The following STARD13 variants were observed in gnomAD, a reference collection of about 807,000 sequenced individuals.
The protein encoded by STARD13 is stAR-related lipid transfer protein 13.
Under a neutral mutation model 106.4 loss-of-function variants are expected in STARD13, and 62 were observed. The ratio of observed to expected loss-of-function variants is 0.58; its 90% CI spans 0.48 to 0.72. The LOEUF is 0.72. STARD13 is among the 30% of genes least tolerant of loss of function. STARD13 has a pLI of 0.00. For synonymous variants in STARD13, 565 were observed against 553.0 expected (o/e 1.02, Z -0.31); for missense variants, 1,387 against 1,424.0 (o/e 0.97, Z 0.42).
chr13:33,437,165 G>C, the STARD13 span, among the ~76,000 whole-genome samples: 2 of 152,146 alleles, frequency 1.3e-5, no homozygotes, highest in Admixed American at 6.5e-5. Context: ...TAACCTAATC[G>C]GTTATGTTAT....
the STARD13 span, chr13:33,659,666 CGCTT>C: frequency 6.6e-6 from 1 of 151,406 alleles, no homozygotes; most frequent in Admixed American, 6.6e-5. Flanking sequence ...AATGCTTGCT[CGCTT>C]GCTTGCTTGG....
At chr13:33,249,077 A>G (rs1306920841) in intron 1 of STARD13, among the ~76,000 whole-genome samples, 1 of 152,250 alleles carries the variant, frequency 6.6e-6, no homozygotes, top group Non-Finnish European at 1.5e-5. Flanking sequence ...GTTTCATGAA[A>G]AATAGGTGAC....
the STARD13 span, among the ~76,000 whole-genome samples, chr13:33,512,825 C>A: frequency 7.9e-5 from 12 of 152,118 alleles, no homozygotes; most frequent in African/African-American, 2.7e-4. Flanking sequence ...AGATTGCCAG[C>A]AAACCACTAG....
At chr13:33,455,663 G>A in the STARD13 span, among the ~76,000 whole-genome samples, 1 of 152,182 alleles carries the variant, frequency 6.6e-6, no homozygotes, top group African/African-American at 2.4e-5. Flanking sequence ...GCCAGGCACG[G>A]TGGCTCACGC....
At chr13:33,340,540 T>G (rs551196191) in intron 1 of STARD13, among the ~76,000 whole-genome samples, 1 of 152,324 alleles carries the variant, frequency 6.6e-6, no homozygotes, top group South Asian at 2.1e-4. Flanking sequence ...ATGTATGAAT[T>G]TTTATGGATT....
chr13:33,314,973 C>CT (rs869281178), intron 1 of STARD13, among the ~76,000 whole-genome samples: 1 of 152,052 alleles, frequency 6.6e-6, no homozygotes, highest in Non-Finnish European at 1.5e-5. Context: ...CACACAAACA[C>CT]TTTTTTTAAA....
intron 1 of STARD13, among the ~76,000 whole-genome samples, chr13:33,315,759 A>G (rs1441755124): frequency 6.6e-6 from 1 of 152,216 alleles, no homozygotes; most frequent in Non-Finnish European, 1.5e-5. Flanking sequence ...TCATTAAAAT[A>G]AATGACATTT....
At chr13:33,609,064 C>A in the STARD13 span, among the ~76,000 whole-genome samples, 1 of 118,772 alleles carries the variant, frequency 8.4e-6, no homozygotes, top group African/African-American at 3.6e-5. Flanking sequence ...CCAGCCTGGG[C>A]GACAGAGCGA....
At chr13:33,662,505 A>T in the STARD13 span, among the ~76,000 whole-genome samples, 2 of 152,158 alleles carry the variant, frequency 1.3e-5, no homozygotes, top group Admixed American at 6.5e-5. Flanking sequence ...TGAAGTGTGC[A>T]CCTGGTCAAG....
intron 1 of STARD13, among the ~76,000 whole-genome samples, chr13:33,170,833 C>A (rs1487789033): frequency 6.6e-6 from 1 of 152,154 alleles, no homozygotes; most frequent in African/African-American, 2.4e-5. Context: ...CAGCTAGTGA[C>A]AAAACAAGCA....
chr13:33,640,219 G>C, the STARD13 span, among the ~76,000 whole-genome samples: 2 of 152,180 alleles, frequency 1.3e-5, no homozygotes, highest in African/African-American at 2.4e-5. Context: ...GGTGTGCCCA[G>C]AGCTTCTGCA....
At chr13:33,105,818 C>T in intron 13 of STARD13, 108 bp from the exon 14 acceptor site, 1 of 894,064 alleles carries the variant, frequency 1.1e-6, no homozygotes. Context: ...AGTGAACCTG[C>T]AGACAGCTCG....
At chr13:33,567,970 T>C in the STARD13 span, among the ~76,000 whole-genome samples, 1 of 148,152 alleles carries the variant, frequency 6.7e-6, no homozygotes, top group South Asian at 2.2e-4. Context: ...TGTTTGTGGG[T>C]TTGCTTTTCT....
exon 1 of STARD13, chr13:33,350,374 T>C: frequency 6.5e-7 from 1 of 1,533,966 alleles, no homozygotes; most frequent in South Asian, 1.2e-5. Context: ...CTGATGGATC[T>C]CCTGAGCTGC....
At chr13:33,124,334 A>C (rs1023258426) in intron 7 of STARD13, among the ~76,000 whole-genome samples, 13 of 152,212 alleles carry the variant, frequency 8.5e-5, no homozygotes, top group Admixed American at 8.5e-4. Flanking sequence ...CTGTGGTGAA[A>C]GTCCCTTCGA....
the STARD13 span, among the ~76,000 whole-genome samples, chr13:33,646,599 T>C: frequency 1.2e-4 from 19 of 152,234 alleles, 1 homozygote; most frequent in South Asian, 3.9e-3. Context: ...ATGTCACACA[T>C]AGAATTTTGC....
intron 1 of STARD13, among the ~76,000 whole-genome samples, chr13:33,170,968 A>T (rs1315394174): frequency 6.6e-6 from 1 of 152,184 alleles, no homozygotes; most frequent in Non-Finnish European, 1.5e-5. Flanking sequence ...CAATCAGCCA[A>T]ATACTAATGC....
At chr13:33,105,779 G>A in intron 13 of STARD13, 69 bp from the exon 14 acceptor site, 1 of 1,352,096 alleles carries the variant, frequency 7.4e-7, no homozygotes, top group Non-Finnish European at 1.1e-6. Flanking sequence ...AGTTTTGGTG[G>A]ACAGGGCTGC....
chr13:33,654,814 A>C, the STARD13 span: 1 of 152,228 alleles, frequency 6.6e-6, no homozygotes, highest in South Asian at 2.1e-4. Context: ...TTCTCACAGC[A>C]CTGGGTCTTC....
Sources: gnomAD v4.1 joint callset for allele counts (sites outside exome capture counted in the v4.1 genomes callset) on GRCh38, gnomAD v4.1.1 for gene constraint, MANE v1.5 for transcripts, NCBI Gene and HGNC (gene_info 2026-07-23, HGNC 2026-07-21) for gene names.